FAAP100: variants seen among roughly 807,000 people sequenced by gnomAD.
FAAP100 encodes Fanconi anemia core complex-associated protein 100.
FAAP100 carries 46 observed loss-of-function variants against 65.8 expected under a neutral mutation model. The ratio of observed to expected loss-of-function variants is 0.70; its 90% CI spans 0.55 to 0.89. The LOEUF (loss-of-function observed/expected upper bound fraction) is 0.89, where lower values mean the gene tolerates loss of function less well. Among genes scored for constraint, FAAP100 ranks in the 40% least tolerant of loss-of-function variants. The probability of loss-of-function intolerance (pLI) is 0.00; values close to 1 mark genes in which losing one functional copy is unlikely to be tolerated. For missense variants in FAAP100, 1,165 were observed against 1,196.7 expected, an observed-to-expected ratio of 0.97 and a Z score of 0.39; for synonymous variants, 663 against 555.1, an observed-to-expected ratio of 1.19 and a Z score of -2.73.
In FAAP100 at chr17:81,540,956, G is replaced by C. The variant is rs757950944; in HGVS notation, c.2515-6C>G. ...TGCACCTCCCGCAGCAGTGTCTGCA[G>C]GTGAAGCAGACACAGCTCAGGCCCC... On this transcript the variant is annotated splice_region_variant and splice_polypyrimidine_tract_variant and intron_variant, in intron 8 of 8. Transcript: ENST00000327787. 8.2e-6 allele frequency: 13 copies of C among 1,575,988 alleles called. No individual in the cohort carries two copies. The highest frequency in any genetic ancestry group is 1.1e-5 in the Non-Finnish European group (13 of 1,163,490).
At chr17:81,548,212 G>A (rs1356032269) in intron 4 of FAAP100, 10 of 584,938 alleles carry the variant, frequency 1.7e-5, no homozygotes, top group East Asian at 1.1e-4. Context: ...GGGAGGCTGC[G>A]CGCACTCAGT....
chr17:81,552,099 G>T (rs899679689), intron 1 of FAAP100, 47 bp from the exon 2 acceptor site: 6 of 1,459,542 alleles, frequency 4.1e-6, no homozygotes, highest in Non-Finnish European at 5.4e-6. Context: ...GCGGGCCCGC[G>T]GTCTTCATTT....
Position 81,551,916 on chromosome 17 carries a change from G to T in FAAP100, c.290+12C>A. ...GGAGTGTGCGGGAGGGAGGCCGCGG[G>T]CCCGCCCTCACCTGCTCCTGCCCGG... On this transcript the variant is annotated intron_variant, in intron 2 of 8. Coordinates refer to ENST00000327787, the MANE Select transcript of FAAP100 (RefSeq NM_025161.6). 6.5e-7 allele frequency: 1 copy of T among 1,539,964 alleles called. No individual in the cohort carries two copies. The highest frequency in any genetic ancestry group is 2.5e-5 in the East Asian group (1 of 39,254).
upstream of FAAP100, chr17:81,552,466 A>C: frequency 3.6e-6 from 3 of 834,382 alleles, no homozygotes; most frequent in Non-Finnish European, 3.2e-6. Context: ...CGGGCCGGAA[A>C]GGACGCGCTG....
chr17:81,550,396 G>A lies in FAAP100; in HGVS notation c.1098C>T (p.Leu366=). 6.2e-7 allele frequency: 1 copy of A among 1,612,766 alleles called. No individual in the cohort carries two copies. Among genetic ancestry groups the A allele is most frequent in the Non-Finnish European group, 8.5e-7 (1 of 1,180,010 alleles). The stretch of plus-strand genomic sequence containing the variant: ...TTCCCCGAGACAGATCCACCACACA[G>A]AGGTCAGAAGGGGTGCTGTGGTACA... ...GRVYHSTPSD[L]CVVDLSRGST... Residue 366 remains leucine (L), a synonymous_variant, in exon 3 of 9, where the codon CTC becomes CTT. Transcript: ENST00000327787.
rs765094583 is a variant in FAAP100 at position 81,544,032 on chromosome 17, G to A, written c.2399C>T (p.Ala800Val). 12 of 1,612,470 alleles carry A rather than the reference G, an allele frequency of 7.4e-6. No homozygotes were observed. Among genetic ancestry groups the A allele is most frequent in the East Asian group, 4.5e-5 (2 of 44,894 alleles). ...CATGCGCCCGACAACGGCATGGTGC[G>A]CCCTGCAAATGTCGGCCAGAGAGGA... ...ESSSLADICR[A>V]HHAVVGRMQT... The change falls in exon 7 of 9, where the codon GCG becomes GTG. Residue 800 changes from alanine to valine, a missense_variant. By Grantham distance (64) the Ala-to-Val change is moderately conservative (BLOSUM62 0). Coordinates refer to ENST00000327787, the MANE Select transcript of FAAP100 (RefSeq NM_025161.6).
intron 4 of FAAP100, 48 bp from the exon 5 acceptor site, chr17:81,547,726 A>T: frequency 6.3e-7 from 1 of 1,585,776 alleles, no homozygotes; most frequent in Non-Finnish European, 8.6e-7. Context: ...CACCCACAGC[A>T]CCAGGTGCCA....
At position 81,540,197 on chromosome 17, in the gene FAAP100, C is replaced by T. The variant is rs1262285802; in HGVS notation, c.*622G>A. The T allele has an allele frequency of 5.0e-6, 2 of 398,950 alleles. No individual in the cohort carries two copies. Among genetic ancestry groups the T allele is most frequent in the Non-Finnish European group, 8.8e-6 (2 of 226,236 alleles). The allele number at this position is 398,950 out of a possible 1,614,324, so 24.7% of individuals were successfully genotyped here. A position where few individuals can be genotyped will look rare whatever the true frequency, so the allele number is the denominator to read the frequency against. ...GCCACAGGCCACCCGCTGGCCCTTC[C>T]TTGGTGTGGCACGAGACCACGGGCA... is the stretch of plus-strand genomic sequence containing the variant. On this transcript the variant is annotated 3_prime_UTR_variant, in exon 9 of 9. Coordinates refer to ENST00000327787, the MANE Select transcript of FAAP100 (RefSeq NM_025161.6).
chr17:81,552,243 A>G lies in FAAP100; in HGVS notation c.88T>C (p.Cys30Arg), dbSNP rs2143969837. Residue 30 changes from cysteine to arginine, a missense_variant, in exon 1 of 9, where the codon TGC (cysteine) becomes CGC (arginine). Cys to Arg is a radical substitution (Grantham distance 180). Transcript: ENST00000327787. ...GLAAGKPRVLCHEAEVFLSTG... is the reference protein window; with the variant it reads ...GLAAGKPRVLRHEAEVFLSTG... The stretch of plus-strand genomic sequence containing the variant: ...GACAGGAAGACCTCTGCCTCATGGC[A>G]CAGCACGCGGGGCTTGCCCGCCGCC... 8.7e-6 allele frequency: 13 copies of G among 1,488,992 alleles called. No homozygotes were observed. The highest frequency in any genetic ancestry group is 1.2e-5 in the Non-Finnish European group (13 of 1,126,750). 92.2% of individuals were successfully genotyped at this position (1,488,992 alleles called of 1,614,324 possible).
chr17:81,545,583 T>C (rs2033269339), intron 6 of FAAP100, among the ~76,000 whole-genome samples, 163 bp downstream of exon 6: 1 of 152,180 alleles, frequency 6.6e-6, no homozygotes, highest in African/African-American at 2.4e-5. Flanking sequence ...GAGTGGGGTC[T>C]GCTTGGTGCG....
Position 81,540,837 on chromosome 17 carries a change from G to A in FAAP100, c.2628C>T (p.Pro876=). 6.5e-7 allele frequency: 1 copy of A among 1,538,204 alleles called. No homozygotes were observed. The highest frequency in any genetic ancestry group is 8.7e-7 in the Non-Finnish European group (1 of 1,144,530). Residue 876 remains proline, a synonymous_variant, in exon 9 of 9, where the codon CCC becomes CCT. Transcript: ENST00000327787. ...CGCCTGGTCACAGCAGGATGAGGCT[G>A]GGGTGGCGCAGCTGCCGGTACACCT... is the stretch of plus-strand genomic sequence containing the variant. ...LLQVYRQLRH[P]SLILL
rs550951998 is a variant in FAAP100, at chr17:81,547,646, C to T, written c.1436G>A (p.Arg479Gln). ...GTTGAGGCTTGTCAGTGCCTTGTTC[C>T]GCTGGTCAACCGCCTTCTTTAGAAA... Reference protein sequence around the residue: ...VSFLKKAVDQRNKALTSLNEA... With the variant: ...VSFLKKAVDQQNKALTSLNEA... The change falls in exon 5 of 9, where the codon CGG becomes CAG. Residue 479 changes from arginine (R) to glutamine (Q), a missense_variant. Transcript: ENST00000327787. 38 of 1,611,288 alleles carry T rather than the reference C, an allele frequency of 2.4e-5. No individual in the cohort carries two copies. Among genetic ancestry groups the T allele is most frequent in the African/African-American group, 1.3e-4 (10 of 75,018 alleles).
intron 4 of FAAP100, chr17:81,548,216 A>G (rs544120429): frequency 6.6e-4 from 385 of 579,462 alleles, no homozygotes; most frequent in Non-Finnish European, 1.1e-3. Context: ...GGCTGCGCGC[A>G]CTCAGTGTGT....
Position 81,540,258 on chromosome 17 carries a change from G to T in FAAP100, c.*561C>A, listed in dbSNP as rs2033033673. Reference sequence around the variant, plus strand: ...CTCCCTGCATGCTGTTTTGTGCTTTGGTCTCAGGGAGCACCCTCCTACCTC... The same window carrying T: ...CTCCCTGCATGCTGTTTTGTGCTTTTGTCTCAGGGAGCACCCTCCTACCTC... On this transcript the variant is annotated 3_prime_UTR_variant, in exon 9 of 9. Transcript: ENST00000327787. 2.5e-6 allele frequency: 1 copy of T among 399,064 alleles called. No individual in the cohort carries two copies. Among genetic ancestry groups the T allele is most frequent in the Non-Finnish European group, 4.4e-6 (1 of 226,232 alleles). The allele number at this position is 399,064 out of a possible 1,614,324, so 24.7% of individuals were successfully genotyped here. A position where few individuals can be genotyped will look rare whatever the true frequency, so the allele number is the denominator to read the frequency against.
chr17:81,547,798 G>A, intron 4 of FAAP100, 120 bp from the exon 5 acceptor site: 1 of 1,272,052 alleles, frequency 7.9e-7, no homozygotes, highest in Non-Finnish European at 1.1e-6. Context: ...CGGTGGGTGT[G>A]GAGCCACGCC....
rs368183997 is a variant in FAAP100, at chr17:81,547,683, G to A, written c.1404-5C>T. ...GCCTTCTTTAGAAAAGACACTCTGCGAAGGACAGACATGACCCCCGGGAGC... is the reference window on the plus strand; with the variant it reads ...GCCTTCTTTAGAAAAGACACTCTGCAAAGGACAGACATGACCCCCGGGAGC... On this transcript the variant is annotated splice_region_variant and splice_polypyrimidine_tract_variant and intron_variant, in intron 4 of 8. Coordinates refer to ENST00000327787, the MANE Select transcript of FAAP100 (RefSeq NM_025161.6). 44 of 1,608,916 alleles carry A rather than the reference G, an allele frequency of 2.7e-5. No homozygotes were observed. The highest frequency in any genetic ancestry group is 1.5e-4 in the African/African-American group (11 of 74,892).
intron 3 of FAAP100, among the ~76,000 whole-genome samples, chr17:81,549,684 C>T (rs1229036803): frequency 1.3e-5 from 2 of 152,226 alleles, no homozygotes; most frequent in African/African-American, 4.8e-5. Flanking sequence ...ACAAGGTGAG[C>T]ACACTTGGGG....
rs149651108 is a variant in FAAP100 at position 81,545,735 on chromosome 17, C to G, written c.2310+11G>C. ...TGGTGCCGTGGCTCGTTTCCCTGAA[C>G]CCCTGCTTGCCTCTCGGACGATGAG... On this transcript the variant is annotated intron_variant, in intron 6 of 8. Coordinates refer to ENST00000327787, the MANE Select transcript of FAAP100 (RefSeq NM_025161.6). 1.9e-6 allele frequency: 3 copies of G among 1,607,386 alleles called. No individual in the cohort carries two copies. The East Asian group carries it at 6.7e-5, about 36-fold the overall frequency.
At position 81,549,164 on chromosome 17, in the gene FAAP100, T is replaced by C. The variant is rs111303369; in HGVS notation, c.1403+42A>G. On this transcript the variant is annotated intron_variant, in intron 4 of 8. Coordinates refer to ENST00000327787, the MANE Select transcript of FAAP100 (RefSeq NM_025161.6). ...ACACAGGGACGCTACCTCCCAAGGA[T>C]GGCAGCGCCAGCCTCTACCCGGTCC... is the stretch of plus-strand genomic sequence containing the variant. 18,496 of 1,597,056 alleles carry C rather than the reference T, an allele frequency of 0.012. 1,876 individuals are homozygous for C. In the African/African-American group the frequency reaches 0.22, roughly 19 times the overall value.
Sources: gnomAD v4.1 joint callset for allele counts (sites outside exome capture counted in the v4.1 genomes callset) on GRCh38, gnomAD v4.1.1 for gene constraint, MANE v1.5 for transcripts, NCBI Gene and HGNC (gene_info 2026-07-23, HGNC 2026-07-21) for gene names.